The following ADCY8 variants were observed in gnomAD, a reference collection of about 807,000 sequenced individuals.
ADCY8 encodes the protein adenylate cyclase 8, also known as adenylate cyclase type 8.
A neutral mutation model predicts 119.7 loss-of-function variants in ADCY8; 51 were observed. The ratio of observed to expected loss-of-function variants is 0.43; its 90% CI spans 0.34 to 0.54. ADCY8 has a LOEUF of 0.54. Among genes scored for constraint, ADCY8 ranks in the 20% least tolerant of loss-of-function variants. ADCY8 has a pLI of 0.03. For synonymous variants in ADCY8, 665 were observed against 651.0 expected, an observed-to-expected ratio of 1.02 and a Z score of -0.33; for missense variants, 1,383 against 1,598.8, an observed-to-expected ratio of 0.87 and a Z score of 2.30.
At chr8:130,968,097 C>G (rs987450298) in intron 2 of ADCY8, among the ~76,000 whole-genome samples, 4 of 151,792 alleles carry the variant, frequency 2.6e-5, no homozygotes, top group African/African-American at 9.7e-5. Flanking sequence ...GTGGTCTGTA[C>G]TAGATGCAGG....
chr8:130,958,213 AT>A (rs1295100773), intron 2 of ADCY8, among the ~76,000 whole-genome samples: 1 of 152,232 alleles, frequency 6.6e-6, no homozygotes, highest in Non-Finnish European at 1.5e-5. Context: ...GAATAAATCT[AT>A]TTGTTCATAA....
chr8:130,966,561 C>G (rs569393186), intron 2 of ADCY8, among the ~76,000 whole-genome samples: 41 of 152,256 alleles, frequency 2.7e-4, no homozygotes, highest in African/African-American at 9.6e-4. Flanking sequence ...CTAACCCAGA[C>G]CAGCATCAAG....
intron 5 of ADCY8, among the ~76,000 whole-genome samples, chr8:130,915,128 A>C (rs1820088943): frequency 1.3e-5 from 2 of 152,242 alleles, no homozygotes. Context: ...AATAAAAAAC[A>C]CACGTAATTA....
At position 131,039,835 on chromosome 8, in the gene ADCY8, C is replaced by A; in HGVS notation, c.499G>T (p.Glu167Ter). Reference protein sequence around the residue: ...LRNSFKSRDLERLYQRYFLGQ... With the variant: ...LRNSFKSRDL ...AAGAAATAGCGCTGGTAGAGGCGTT[C>A]CAAATCCCGAGATTTGAAGGAGTTG... Residue 167 changes from glutamate (E) to a stop codon, truncating the protein, a stop_gained, in exon 1 of 18, where the codon GAA becomes TAA. Transcript: ENST00000286355. LOFTEE classifies it high-confidence loss of function. 1 of 1,614,182 alleles carries A rather than the reference C, an allele frequency of 6.2e-7. No homozygotes were observed. Among genetic ancestry groups the A allele is most frequent in the Non-Finnish European group, 8.5e-7 (1 of 1,180,024 alleles).
At chr8:130,990,191 C>T (rs957424773) in intron 2 of ADCY8, among the ~76,000 whole-genome samples, 6 of 152,124 alleles carry the variant, frequency 3.9e-5, no homozygotes, top group African/African-American at 9.7e-5. Context: ...TTATGGGGAA[C>T]GATGAATTGA....
intron 1 of ADCY8, among the ~76,000 whole-genome samples, chr8:130,995,748 A>G (rs140377538): frequency 1.3e-5 from 2 of 152,236 alleles, no homozygotes; most frequent in African/African-American, 4.8e-5. Flanking sequence ...CCTGATCACT[A>G]TATCAAAGTA....
chr8:130,810,419 T>A (rs1199483178), intron 14 of ADCY8, among the ~76,000 whole-genome samples: 1 of 150,518 alleles, frequency 6.6e-6, no homozygotes, highest in African/African-American at 2.5e-5. Context: ...GTGGTATGGG[T>A]AGCAGCATTG....
intron 7 of ADCY8, among the ~76,000 whole-genome samples, chr8:130,895,651 T>C (rs1379817556): frequency 6.6e-6 from 1 of 152,138 alleles, no homozygotes; most frequent in Non-Finnish European, 1.5e-5. Flanking sequence ...GGAGTTTTAT[T>C]GTCAGAAAAA....
At chr8:131,019,470 G>A (rs1348613051) in intron 1 of ADCY8, among the ~76,000 whole-genome samples, 1 of 152,116 alleles carries the variant, frequency 6.6e-6, no homozygotes, top group Non-Finnish European at 1.5e-5. Flanking sequence ...TTAAGCTGCT[G>A]GTACTGGAAA....
At chr8:130,894,015 T>G (rs1586543120) in intron 7 of ADCY8, among the ~76,000 whole-genome samples, 1 of 152,174 alleles carries the variant, frequency 6.6e-6, no homozygotes, top group Non-Finnish European at 1.5e-5. Flanking sequence ...GATGAAAAAC[T>G]TACACATCTT....
At position 130,825,650 on chromosome 8, in the gene ADCY8, T is replaced by C. The variant is rs182314649; in HGVS notation, c.2676-4230A>G. On this transcript the variant is annotated intron_variant, in intron 12 of 17. Transcript: ENST00000286355. ...TCAGTTCTGCTTCTAAAAAGTCTGA[T>C]GTGTCTTTATGCAGACATTGTTTTC... Among the ~76,000 whole-genome samples the C allele has an allele frequency of 2.0e-5, 3 of 152,352 alleles. No individual in the cohort carries two copies. The East Asian group carries it at 5.8e-4, about 29-fold the overall frequency.
chr8:131,033,265 G>A (rs142721073), intron 1 of ADCY8, among the ~76,000 whole-genome samples: 3 of 152,170 alleles, frequency 2.0e-5, no homozygotes, highest in Non-Finnish European at 4.4e-5. Context: ...TTAGACAACA[G>A]TAAAATGTCA....
chr8:130,943,417 G>A lies in ADCY8; in HGVS notation c.1287C>T (p.Thr429=), dbSNP rs764480857. ...DVKGFTNLST[T]LSAQELVRML... ...TCCTGACCAGCTCCTGAGCAGACAA[G>A]GTCGTGGAGAGGTTGGTAAATCCTT... is the stretch of plus-strand genomic sequence containing the variant. The change falls in exon 4 of 18, where the codon ACC becomes ACT. Residue 429 remains threonine (T), a synonymous_variant. Coordinates refer to ENST00000286355, the MANE Select transcript of ADCY8 (RefSeq NM_001115.3). The A allele has an allele frequency of 3.2e-6, 5 of 1,586,424 alleles. No individual in the cohort carries two copies. The highest frequency in any genetic ancestry group is 1.4e-5 in the African/African-American group (1 of 73,784).
intron 8 of ADCY8, among the ~76,000 whole-genome samples, chr8:130,871,158 G>A (rs1035247665): frequency 6.6e-6 from 1 of 152,234 alleles, no homozygotes; most frequent in Non-Finnish European, 1.5e-5. Flanking sequence ...AGAGTACTGA[G>A]ATTGATTAGT....
intron 14 of ADCY8, among the ~76,000 whole-genome samples, chr8:130,810,145 C>T (rs1306627188): frequency 1.3e-5 from 2 of 152,206 alleles, no homozygotes; most frequent in South Asian, 2.1e-4. Context: ...ATTGTGGCTC[C>T]GTGAAACTCA....
chr8:130,805,565 G>A (rs931411999), intron 14 of ADCY8, among the ~76,000 whole-genome samples: 2 of 152,140 alleles, frequency 1.3e-5, no homozygotes, highest in African/African-American at 4.8e-5. Flanking sequence ...GGTGGGCTGG[G>A]ACTCACCCCT....
intron 1 of ADCY8, among the ~76,000 whole-genome samples, chr8:130,993,680 C>T (rs1438169116): frequency 6.6e-6 from 1 of 152,118 alleles, no homozygotes; most frequent in Admixed American, 6.5e-5. Flanking sequence ...TTCTGTCTTG[C>T]CTGCCACCAT....
At chr8:131,013,917 CA>C (rs1823388784) in intron 1 of ADCY8, among the ~76,000 whole-genome samples, 1 of 152,086 alleles carries the variant, frequency 6.6e-6, no homozygotes, top group South Asian at 2.1e-4. Flanking sequence ...TATACTTTAC[CA>C]AAAAAGTGTG....
intron 7 of ADCY8, among the ~76,000 whole-genome samples, chr8:130,896,268 C>T (rs1267923527): frequency 1.3e-5 from 2 of 152,138 alleles, no homozygotes; most frequent in African/African-American, 4.8e-5. Flanking sequence ...TCTCTATCCC[C>T]AGATCCTAGA....
Sources: gnomAD v4.1 joint callset for allele counts (sites outside exome capture counted in the v4.1 genomes callset) on GRCh38, gnomAD v4.1.1 for gene constraint, MANE v1.5 for transcripts, NCBI Gene and HGNC (gene_info 2026-07-23, HGNC 2026-07-21) for gene names.